The following STK32B variants were observed in gnomAD, a reference collection of about 807,000 sequenced individuals.
STK32B encodes serine/threonine kinase 32B.
A neutral mutation model predicts 52.6 loss-of-function variants in STK32B; 43 were observed. That is an observed-to-expected ratio of 0.82 (90% CI 0.64 to 1.05). The LOEUF (loss-of-function observed/expected upper bound fraction) is 1.05. STK32B is among the 50% of genes least tolerant of loss of function. The pLI is 0.00. For synonymous variants in STK32B, 238 were observed against 204.3 expected (o/e 1.17, Z -1.41); for missense variants, 621 against 534.6 (o/e 1.16, Z -1.59).
At chr4:5,183,920 G>A (rs911826413) in intron 3 of STK32B, among the ~76,000 whole-genome samples, 2 of 152,130 alleles carry the variant, frequency 1.3e-5, no homozygotes, top group Admixed American at 6.5e-5. Flanking sequence ...ACTTGCTCTG[G>A]ATTAGGCTTT....
intron 3 of STK32B, among the ~76,000 whole-genome samples, chr4:5,247,291 C>G (rs1725528152): frequency 6.6e-6 from 1 of 152,216 alleles, no homozygotes; most frequent in South Asian, 2.1e-4. Flanking sequence ...CCTCCCCCAG[C>G]CTCACTGCTG....
intron 3 of STK32B, among the ~76,000 whole-genome samples, chr4:5,316,325 TTA>T (rs1411387130): frequency 2.0e-5 from 1 of 51,252 alleles, no homozygotes; most frequent in Non-Finnish European, 2.8e-5. Context: ...ATATTATATA[TTA>T]TATACAATAT....
intron 6 of STK32B, among the ~76,000 whole-genome samples, chr4:5,432,922 C>A (rs1375790358): frequency 1.3e-5 from 2 of 152,118 alleles, no homozygotes; most frequent in Non-Finnish European, 2.9e-5. Flanking sequence ...GATGAGTAAA[C>A]TGAGGTACAT....
intron 3 of STK32B, among the ~76,000 whole-genome samples, chr4:5,296,238 G>A (rs1206213221): frequency 6.6e-6 from 1 of 152,176 alleles, no homozygotes; most frequent in East Asian, 1.9e-4. Context: ...TGTATATTCT[G>A]TTGATTTGGG....
At position 5,106,901 on chromosome 4, in the gene STK32B, G is replaced by A. The variant is rs946425590; in HGVS notation, c.53-33004G>A. Among the ~76,000 whole-genome samples, 13 of 152,112 alleles carry A rather than the reference G, an allele frequency of 8.5e-5. No individual in the cohort carries two copies. The East Asian group carries it at 2.3e-3, about 27-fold the overall frequency. On this transcript the variant is annotated intron_variant, in intron 1 of 11. Coordinates refer to ENST00000282908, the MANE Select transcript of STK32B (RefSeq NM_018401.3). ...AAAATTATATGTAAAGTGTGGATTCGATTTAAATTGAATAATTTTCAGCAC... is the reference window on the plus strand; with the variant it reads ...AAAATTATATGTAAAGTGTGGATTCAATTTAAATTGAATAATTTTCAGCAC...
chr4:5,135,114 G>C (rs1345287539), intron 1 of STK32B, among the ~76,000 whole-genome samples: 10 of 152,218 alleles, frequency 6.6e-5, no homozygotes, highest in African/African-American at 2.4e-4. Context: ...GGAATATTTT[G>C]TCATGATTTA....
At chr4:5,156,573 G>A (rs1009492741) in intron 2 of STK32B, among the ~76,000 whole-genome samples, 15 of 152,218 alleles carry the variant, frequency 9.9e-5, no homozygotes, top group Admixed American at 6.5e-5. Flanking sequence ...TCTGTAGTCA[G>A]CAGGGCTTCG....
chr4:5,114,398 C>T (rs1451565431), intron 1 of STK32B, among the ~76,000 whole-genome samples: 1 of 151,968 alleles, frequency 6.6e-6, no homozygotes, highest in Non-Finnish European at 1.5e-5. Context: ...CACCCCTTCT[C>T]CAAATCACAG....
intron 6 of STK32B, among the ~76,000 whole-genome samples, chr4:5,444,651 C>T (rs1715214845): frequency 6.6e-6 from 1 of 152,224 alleles, no homozygotes; most frequent in Non-Finnish European, 1.5e-5. Flanking sequence ...TCTTAAGGAT[C>T]ATGATTTGAC....
At chr4:5,178,854 TC>T (rs1333490312) in intron 3 of STK32B, among the ~76,000 whole-genome samples, 3 of 152,196 alleles carry the variant, frequency 2.0e-5, no homozygotes, top group African/African-American at 7.2e-5. Flanking sequence ...CCAACAAGTC[TC>T]TAGGAGTTTC....
At chr4:5,407,652 G>T (rs1411663179) in intron 5 of STK32B, among the ~76,000 whole-genome samples, 1 of 152,044 alleles carries the variant, frequency 6.6e-6, no homozygotes, top group Non-Finnish European at 1.5e-5. Context: ...CAGGAGTTTG[G>T]GGGGTGGGGG....
At chr4:5,037,506 T>C in the STK32B span, among the ~76,000 whole-genome samples, 1 of 152,210 alleles carries the variant, frequency 6.6e-6, no homozygotes, top group Non-Finnish European at 1.5e-5. Flanking sequence ...CAACCAGCTC[T>C]TCTGGTTCCC....
At chr4:5,207,010 A>G (rs1231861601) in intron 3 of STK32B, among the ~76,000 whole-genome samples, 3 of 152,206 alleles carry the variant, frequency 2.0e-5, no homozygotes, top group African/African-American at 4.8e-5. Flanking sequence ...GGGGTCAGCA[A>G]ACTATGGCTC....
intron 11 of STK32B, among the ~76,000 whole-genome samples, chr4:5,494,904 C>G (rs1258026635): frequency 6.6e-6 from 1 of 152,150 alleles, no homozygotes; most frequent in Non-Finnish European, 1.5e-5. Context: ...GATATTGGCC[C>G]CCACTCTCTT....
At chr4:5,267,640 GTTTA>G (rs750462932) in intron 3 of STK32B, among the ~76,000 whole-genome samples, 15 of 152,134 alleles carry the variant, frequency 9.9e-5, no homozygotes, top group Non-Finnish European at 1.5e-4. Flanking sequence ...CGAAAATCAA[GTTTA>G]TTCATATATT....
At chr4:5,490,843 G>A (rs961477700) in intron 11 of STK32B, among the ~76,000 whole-genome samples, 50 of 152,126 alleles carry the variant, frequency 3.3e-4, no homozygotes, top group Middle Eastern at 6.8e-3. Context: ...TTGTTCTTGC[G>A]ATAGTTTACT....
chr4:5,246,800 C>T (rs1223375763), intron 3 of STK32B, among the ~76,000 whole-genome samples: 2 of 152,142 alleles, frequency 1.3e-5, no homozygotes, highest in Non-Finnish European at 2.9e-5. Flanking sequence ...CAGTCAGGAC[C>T]CTCCACTGCA....
chr4:5,369,799 C>A (rs1735109239), intron 4 of STK32B, among the ~76,000 whole-genome samples: 1 of 152,130 alleles, frequency 6.6e-6, no homozygotes, highest in South Asian at 2.1e-4. Context: ...CAATCATGAT[C>A]CTATTAGGTG....
chr4:5,252,514 G>A (rs1445611397), intron 3 of STK32B, among the ~76,000 whole-genome samples: 1 of 152,174 alleles, frequency 6.6e-6, no homozygotes, highest in East Asian at 1.9e-4. Context: ...GATGATGAGT[G>A]GCCCCATCTG....
Sources: gnomAD v4.1 joint callset for allele counts (sites outside exome capture counted in the v4.1 genomes callset) on GRCh38, gnomAD v4.1.1 for gene constraint, MANE v1.5 for transcripts, NCBI Gene and HGNC (gene_info 2026-07-23, HGNC 2026-07-21) for gene names.